The following PMVK variants were observed in gnomAD, a reference collection of about 807,000 sequenced individuals.
PMVK encodes the protein testis tissue sperm-binding protein Li 95mP.
A neutral mutation model predicts 19.0 loss-of-function variants in PMVK; 10 were observed. The ratio of observed to expected loss-of-function variants is 0.53; its 90% CI spans 0.32 to 0.89. The LOEUF is 0.89. PMVK is among the 40% of genes least tolerant of loss of function. The pLI is 0.03. For missense variants in PMVK, 222 were observed against 251.1 expected (o/e 0.88, Z 0.78); for synonymous variants, 108 against 101.6 (o/e 1.06, Z -0.38).
chr1:154,941,166 G>A (rs1441887543), upstream of PMVK, among the ~76,000 whole-genome samples: 3 of 152,232 alleles, frequency 2.0e-5, no homozygotes, highest in Non-Finnish European at 1.5e-5. Context: ...AAAGATCTGG[G>A]CTGGGAGCCC....
intron 1 of PMVK, chr1:154,936,388 T>C (rs1571386729): frequency 2.0e-6 from 2 of 985,066 alleles, no homozygotes; most frequent in Admixed American, 6.2e-5. Context: ...TTTGGAGAGG[T>C]GGTCACCTGC....
At chr1:154,939,520 C>T (rs1237814464), upstream of PMVK, among the ~76,000 whole-genome samples, 1 of 149,928 alleles carries the variant, frequency 6.7e-6, no homozygotes, top group Non-Finnish European at 1.5e-5. Context: ...CCCATTTCTA[C>T]TAAAAATACA....
At chr1:154,934,916 G>A (rs1654454108) in intron 1 of PMVK, among the ~76,000 whole-genome samples, 1 of 151,864 alleles carries the variant, frequency 6.6e-6, no homozygotes. Context: ...ACAAAAGTTA[G>A]CTGGGCATGG....
intron 1 of PMVK, among the ~76,000 whole-genome samples, chr1:154,934,031 A>C (rs1268706938): frequency 1.3e-5 from 2 of 151,548 alleles, no homozygotes; most frequent in Non-Finnish European, 2.9e-5. Flanking sequence ...ACTGAGTCTC[A>C]CTCTGTAGCC....
At chr1:154,938,656 C>T (rs1309274092), upstream of PMVK, among the ~76,000 whole-genome samples, 1 of 152,180 alleles carries the variant, frequency 6.6e-6, no homozygotes, top group Non-Finnish European at 1.5e-5. Flanking sequence ...CTGAACTCCA[C>T]TGTCCCTTAC....
At position 154,936,584 on chromosome 1, in the gene PMVK, C is replaced by T. The variant is rs767450104; in HGVS notation, c.95+7G>A. ...TCCCCCTTCCACCTTTCCCGCCTCA[C>T]GGACACCTGCTCTGCAGCGCCTCGG... On this transcript the variant is annotated splice_region_variant and intron_variant, in intron 1 of 4. Transcript: ENST00000368467. 3 of 1,596,102 alleles carry T rather than the reference C, an allele frequency of 1.9e-6. No individual in the cohort carries two copies. Among genetic ancestry groups the T allele is most frequent in the East Asian group, 4.5e-5 (2 of 44,336 alleles).
intron 1 of PMVK, among the ~76,000 whole-genome samples, chr1:154,933,593 G>A (rs1654409488): frequency 7.6e-6 from 1 of 131,864 alleles, no homozygotes; most frequent in Admixed American, 8.4e-5. Flanking sequence ...TCCCAGGTTT[G>A]AGCGATTCTC....
In PMVK at chr1:154,932,334, C is replaced by A; in HGVS notation, c.159+18G>T. The stretch of plus-strand genomic sequence containing the variant: ...CCGGCCCCGCCCAACACACCGGATG[C>A]CACAAAGCACCACCTACCTGAGCAT... On this transcript the variant is annotated intron_variant, in intron 2 of 4. Coordinates refer to ENST00000368467, the MANE Select transcript of PMVK (RefSeq NM_006556.4). 1 of 1,602,890 alleles carries A rather than the reference C, an allele frequency of 6.2e-7. No homozygotes were observed. The highest frequency in any genetic ancestry group is 8.5e-7 in the Non-Finnish European group (1 of 1,170,270).
chr1:154,932,107 C>G (rs144685314), intron 2 of PMVK, among the ~76,000 whole-genome samples: 1 of 152,140 alleles, frequency 6.6e-6, no homozygotes, highest in African/African-American at 2.4e-5. Context: ...GCTGCCAACT[C>G]GAGTGTCGAC....
At chr1:154,928,980 C>G (rs182310477) in intron 3 of PMVK, 44 bp downstream of exon 3, 16 of 1,581,648 alleles carry the variant, frequency 1.0e-5, no homozygotes, top group African/African-American at 1.3e-5. Context: ...CAGCGAAGAG[C>G]TAGGGAAACA....
rs1425884868 is a variant in PMVK, at chr1:154,932,405, C to T, written c.106G>A (p.Asp36Asn). 1.2e-6 allele frequency: 2 copies of T among 1,611,002 alleles called. No homozygotes were observed. Among genetic ancestry groups the T allele is most frequent in the East Asian group, 2.2e-5 (1 of 44,688 alleles). ...GAGAGCCGGAGGACAGCACAGACATCAGCTCCAAGTCTGCAGGACAGGGAG... is the reference window on the plus strand; with the variant it reads ...GAGAGCCGGAGGACAGCACAGACATTAGCTCCAAGTCTGCAGGACAGGGAG... ...TEALQSRLGA[D>N]VCAVLRLSGP... Residue 36 changes from aspartate (D) to asparagine (N), a missense_variant, in exon 2 of 5, where the codon GAT becomes AAT. Asp to Asn is a conservative substitution (Grantham distance 23, BLOSUM62 1). Coordinates refer to ENST00000368467, the MANE Select transcript of PMVK (RefSeq NM_006556.4).
chr1:154,930,189 G>C (rs1488488895), intron 2 of PMVK, among the ~76,000 whole-genome samples: 1 of 152,234 alleles, frequency 6.6e-6, no homozygotes, highest in African/African-American at 2.4e-5. Flanking sequence ...GCCAGGCACA[G>C]TGGCTCACGC....
Position 154,936,592 on chromosome 1 carries a change from T to G in PMVK, c.94A>C (p.Arg32=). Residue 32 remains arginine, a splice_region_variant and synonymous_variant, in exon 1 of 5, where the codon AGA becomes CGA. Transcript: ENST00000368467. ...KDFVTEALQS[R]LGADVCAVLR... ...CCACCTTTCCCGCCTCACGGACACC[T>G]GCTCTGCAGCGCCTCGGTCACGAAG... 1 of 1,600,644 alleles carries G rather than the reference T, an allele frequency of 6.2e-7. No individual in the cohort carries two copies.
chr1:154,935,254 T>C (rs1463969405), intron 1 of PMVK, among the ~76,000 whole-genome samples: 1 of 152,006 alleles, frequency 6.6e-6, no homozygotes, highest in Non-Finnish European at 1.5e-5. Flanking sequence ...GGTGGTGAGA[T>C]ACTTAGTGAT....
At position 154,926,371 on chromosome 1, in the gene PMVK, C is replaced by T. The variant is rs1203728843; in HGVS notation, c.425G>A (p.Gly142Asp). ...VALEQSRQQR[G>D]WVFTPGVDDA... The stretch of plus-strand genomic sequence containing the variant: ...TGGCTCACCTGGCGTGAACACCCAG[C>T]CCCGCTGCTGTCGGCTCTGCTCCAA... The change falls in exon 4 of 5, where the codon GGC becomes GAC. Residue 142 changes from glycine to aspartate, a missense_variant. By Grantham distance (94) the Gly-to-Asp change is moderately conservative. Coordinates refer to ENST00000368467, the MANE Select transcript of PMVK (RefSeq NM_006556.4). The T allele has an allele frequency of 5.0e-6, 8 of 1,613,208 alleles. No individual in the cohort carries two copies. In the African/African-American group the frequency reaches 1.1e-4, roughly 22 times the overall value.
rs1271584412 is a variant in PMVK, at chr1:154,934,935, A to G, written c.95+1656T>C. Among the ~76,000 whole-genome samples the G allele has an allele frequency of 2.0e-5, 3 of 151,702 alleles. No homozygotes were observed. In the East Asian group the frequency reaches 5.8e-4, roughly 29 times the overall value. On this transcript the variant is annotated intron_variant, in intron 1 of 4. Coordinates refer to ENST00000368467, the MANE Select transcript of PMVK (RefSeq NM_006556.4). ...AAGTTAGCTGGGCATGGTGGCACAC[A>G]CCTGTAATCCCAGCTACTCGGGAGG...
At chr1:154,932,130 G>C (rs1654354413) in intron 2 of PMVK, among the ~76,000 whole-genome samples, 1 of 152,178 alleles carries the variant, frequency 6.6e-6, no homozygotes, top group African/African-American at 2.4e-5. Context: ...CCTTTCCTGG[G>C]CACACCTTCC....
chr1:154,930,365 CAGT>C (rs1409507164), intron 2 of PMVK, among the ~76,000 whole-genome samples: 3 of 152,216 alleles, frequency 2.0e-5, no homozygotes, highest in South Asian at 2.1e-4. Flanking sequence ...GAGGCTAAGG[CAGT>C]AGAACTGCTT....
chr1:154,925,104 C>G lies in PMVK; in HGVS notation c.*25G>C, dbSNP rs1321346651. The G allele has an allele frequency of 2.5e-6, 4 of 1,605,728 alleles. No homozygotes were observed. In the African/African-American group the frequency reaches 5.4e-5, roughly 22 times the overall value. The stretch of plus-strand genomic sequence containing the variant: ...AGCCCCACCCCCACCTCAGCAGGCC[C>G]CAGCTCACTCCTAGAACCTAGTGAC... On this transcript the variant is annotated 3_prime_UTR_variant, in exon 5 of 5. Coordinates refer to ENST00000368467, the MANE Select transcript of PMVK (RefSeq NM_006556.4).
Sources: allele counts gnomAD v4.1 joint callset (sites outside exome capture counted in the v4.1 genomes callset), GRCh38; gene constraint gnomAD v4.1.1; transcripts MANE v1.5; gene names NCBI Gene and HGNC (gene_info 2026-07-23, HGNC 2026-07-21).